SARM1: variants seen among roughly 807,000 people sequenced by gnomAD.
The protein encoded by SARM1 is NAD(+) hydrolase SARM1.
Under a neutral mutation model 65.1 loss-of-function variants are expected in SARM1, and 60 were observed. The ratio of observed to expected loss-of-function variants is 0.92; its 90% CI spans 0.75 to 1.14. SARM1 has a LOEUF of 1.14. Among genes scored for constraint, SARM1 ranks in the 50% most tolerant of loss-of-function variants. The pLI, the probability that SARM1 is intolerant of heterozygous loss-of-function variation, is 0.00. For synonymous variants in SARM1, 417 were observed against 465.4 expected (o/e 0.90, Z 1.34); for missense variants, 913 against 1,015.7 (o/e 0.90, Z 1.37).
chr17:28,385,248 C>G lies in SARM1; in HGVS notation c.1603C>G (p.Arg535Gly). ...CTGCGGCATCCACCTGGGCGTGCAC[C>G]GCGCCCGCATCCTCACGGCGGCCAG... ...EDCGIHLGVHRARILTAAREM... is the reference protein window; with the variant it reads ...EDCGIHLGVHGARILTAAREM... Residue 535 changes from arginine (R) to glycine (G), a missense_variant, in exon 5 of 9, where the codon CGC becomes GGC. Arg to Gly is a moderately radical substitution (Grantham distance 125). Transcript: ENST00000585482. The surrounding 1 kb of genome is among the most constrained non-coding windows in gnomAD (Gnocchi z 4.5). 1.9e-6 allele frequency: 3 copies of G among 1,573,482 alleles called. No individual in the cohort carries two copies. The highest frequency in any genetic ancestry group is 2.6e-6 in the Non-Finnish European group (3 of 1,165,656).
chr17:28,389,100 T>A (rs2068068156), intron 7 of SARM1, among the ~76,000 whole-genome samples: 1 of 152,298 alleles, frequency 6.6e-6, no homozygotes, highest in East Asian at 1.9e-4. Flanking sequence ...ATAAATTCCA[T>A]GAGAGACAGG....
intron 7 of SARM1, among the ~76,000 whole-genome samples, chr17:28,388,896 G>C (rs544708067): frequency 1.1e-4 from 16 of 150,964 alleles, no homozygotes; most frequent in Non-Finnish European, 2.2e-4. Flanking sequence ...TCAGCCTCCC[G>C]AGTAGCTGGG....
chr17:28,402,973 T>C lies in SARM1; in HGVS notation c.*6687T>C, dbSNP rs2068215197. 2 of 152,190 alleles carry C rather than the reference T, an allele frequency of 1.3e-5. No individual in the cohort carries two copies. The highest frequency in any genetic ancestry group is 2.4e-5 in the African/African-American group (1 of 41,410). The allele number at this position is 152,190 out of a possible 1,614,324, so 9.4% of individuals were successfully genotyped here. A position where few individuals can be genotyped will look rare whatever the true frequency, so the allele number is the denominator to read the frequency against. ...TTATAAGAGGAAAGCAGACGGAGAT[T>C]TGGCACCGACAGAATTGAGAAGGCA... is the stretch of plus-strand genomic sequence containing the variant. On this transcript the variant is annotated 3_prime_UTR_variant, in exon 9 of 9. Transcript: ENST00000585482.
intron 5 of SARM1, 71 bp from the exon 6 acceptor site, chr17:28,388,103 A>T (rs1555586290): frequency 8.4e-7 from 1 of 1,192,972 alleles, no homozygotes; most frequent in African/African-American, 1.5e-5. Context: ...TAAGTCCACA[A>T]GGGATGATAT....
At chr17:28,376,075 A>G (rs1555584553) in intron 1 of SARM1, among the ~76,000 whole-genome samples, 1 of 152,210 alleles carries the variant, frequency 6.6e-6, no homozygotes, top group African/African-American at 2.4e-5. Flanking sequence ...AGACCACAGA[A>G]GAACTGGGAG....
Position 28,381,661 on chromosome 17 carries a change from G to A in SARM1, c.929G>A (p.Arg310His), listed in dbSNP as rs369186722. The change falls in exon 2 of 9, where the codon CGC becomes CAC. Residue 310 changes from arginine (R) to histidine (H), a missense_variant. By Grantham distance (29) the Arg-to-His change is conservative. Transcript: ENST00000585482. ...TCGCTGGACCCTGGCCGCTTCGCCC[G>A]CTGTCTGGTGGACGCCAGCGACACA... ...VASLDPGRFARCLVDASDTSQ... is the reference protein window; with the variant it reads ...VASLDPGRFAHCLVDASDTSQ... 308 of 1,554,930 alleles carry A rather than the reference G, an allele frequency of 2.0e-4. No individual in the cohort carries two copies. Among genetic ancestry groups the A allele is most frequent in the Non-Finnish European group, 2.6e-4 (295 of 1,151,112 alleles).
At position 28,385,165 on chromosome 17, in the gene SARM1, G is replaced by C. The variant is rs746874324; in HGVS notation, c.1520G>C (p.Ser507Thr). 1 of 1,611,912 alleles carries C rather than the reference G, an allele frequency of 6.2e-7. No homozygotes were observed. Among genetic ancestry groups the C allele is most frequent in the Non-Finnish European group, 8.5e-7 (1 of 1,179,454 alleles). Reference sequence around the variant, plus strand: ...CGCCAGTACACCTACGGCCTGGTCAGCTGCGGCCTGGACCGCTCCCTGCTG... The same window carrying C: ...CGCCAGTACACCTACGGCCTGGTCACCTGCGGCCTGGACCGCTCCCTGCTG... ...RFRQYTYGLV[S>T]CGLDRSLLHR... is the part of the protein sequence containing the mutation. The change falls in exon 5 of 9, where the codon AGC (serine) becomes ACC (threonine). Residue 507 changes from serine (S) to threonine (T), a missense_variant. Physicochemically the swap from Ser to Thr is moderately conservative, Grantham distance 58 (BLOSUM62 1). This residue lies in a region of SARM1 where 862 missense variants were observed against 952.1 expected (regional missense o/e 0.91). Transcript: ENST00000585482. The surrounding 1 kb of genome is among the most constrained non-coding windows in gnomAD (Gnocchi z 4.5).
rs41297921 is a variant in SARM1, at chr17:28,397,584, C to G, written c.*1298C>G. 2.6e-5 allele frequency: 4 copies of G among 152,326 alleles called. No individual in the cohort carries two copies. The highest frequency in any genetic ancestry group is 2.6e-4 in the Admixed American group (4 of 15,304). The allele number at this position is 152,326 out of a possible 1,614,324, so 9.4% of individuals were successfully genotyped here. On this transcript the variant is annotated 3_prime_UTR_variant, in exon 9 of 9. Coordinates refer to ENST00000585482, the MANE Select transcript of SARM1 (RefSeq NM_015077.4). ...GATCCAGACCTAGGCCTCCTGGCAC[C>G]CAGTCCACTGGCAGTGGAATTGCTT...
rs200378586 is a variant in SARM1, at chr17:28,388,564, G to A, written c.1923+25G>A. 4.0e-5 allele frequency: 64 copies of A among 1,604,578 alleles called. No homozygotes were observed. In the East Asian group the frequency reaches 6.0e-4, roughly 15 times the overall value. ...GGTAGGTGCCTGCCTATGCTTCTGC[G>A]GTCCCAGCATTGGCCTGTGGTCCAG... On this transcript the variant is annotated intron_variant, in intron 7 of 8. Transcript: ENST00000585482.
At position 28,399,873 on chromosome 17, in the gene SARM1, C is replaced by T; in HGVS notation, c.*3587C>T. 2.8e-6 allele frequency: 2 copies of T among 716,510 alleles called. No individual in the cohort carries two copies. Among genetic ancestry groups the T allele is most frequent in the Non-Finnish European group, 2.5e-6 (1 of 403,646 alleles). 44.4% of individuals were successfully genotyped at this position (716,510 alleles called of 1,614,324 possible). A position where few individuals can be genotyped will look rare whatever the true frequency, so the allele number is the denominator to read the frequency against. On this transcript the variant is annotated 3_prime_UTR_variant, in exon 9 of 9. Coordinates refer to ENST00000585482, the MANE Select transcript of SARM1 (RefSeq NM_015077.4). ...AAGCTGAGAGCTGGAGGACAATATC[C>T]AGGGACATGGCTCTGGAAAATAACT... is the stretch of plus-strand genomic sequence containing the variant.
intron 1 of SARM1, among the ~76,000 whole-genome samples, chr17:28,377,446 C>A (rs995908950): frequency 3.3e-5 from 5 of 151,980 alleles, no homozygotes; most frequent in African/African-American, 1.2e-4. Context: ...GAAAACAAAA[C>A]AAAAAAAATC....
In SARM1 at chr17:28,384,248, G is replaced by C; in HGVS notation, c.1090-109G>C. 1.1e-6 allele frequency: 1 copy of C among 887,900 alleles called. No homozygotes were observed. The highest frequency in any genetic ancestry group is 2.7e-5 in the East Asian group (1 of 36,972). 55.0% of individuals were successfully genotyped at this position (887,900 alleles called of 1,614,324 possible). A position where few individuals can be genotyped will look rare whatever the true frequency, so the allele number is the denominator to read the frequency against. The stretch of plus-strand genomic sequence containing the variant: ...AGTGGCTGAAGGTGGGGCCAGGGCA[G>C]ATGGAGAGACTTTGGGTTGTGAGAA... On this transcript the variant is annotated intron_variant, in intron 2 of 8. Coordinates refer to ENST00000585482, the MANE Select transcript of SARM1 (RefSeq NM_015077.4). This position sits in a 1 kb window ranked among gnomAD's most constrained non-coding sequence, Gnocchi z 4.4.
chr17:28,384,654 C>T lies in SARM1; in HGVS notation c.1302+85C>T. On this transcript the variant is annotated intron_variant, in intron 3 of 8. Coordinates refer to ENST00000585482, the MANE Select transcript of SARM1 (RefSeq NM_015077.4). This position sits in a 1 kb window ranked among gnomAD's most constrained non-coding sequence, Gnocchi z 4.4. ...TGCGTTCCCTCCCCGCCTCGCAATC[C>T]CGCGGCGCCAGGGTCGCTTTTGGGG... 1 of 1,392,506 alleles carries T rather than the reference C, an allele frequency of 7.2e-7. No individual in the cohort carries two copies. Among genetic ancestry groups the T allele is most frequent in the Non-Finnish European group, 9.7e-7 (1 of 1,027,840 alleles). 86.3% of individuals were successfully genotyped at this position (1,392,506 alleles called of 1,614,324 possible).
intron 1 of SARM1, among the ~76,000 whole-genome samples, chr17:28,375,690 G>T (rs2067985063): frequency 6.6e-6 from 1 of 151,896 alleles, no homozygotes. Flanking sequence ...GTTATTCTCA[G>T]CCAGGCATGG....
Position 28,385,557 on chromosome 17 carries a change from G to C in SARM1, c.1630+282G>C. The C allele has an allele frequency of 4.1e-6, 2 of 488,800 alleles. No individual in the cohort carries two copies. The highest frequency in any genetic ancestry group is 7.2e-6 in the Non-Finnish European group (2 of 276,644). 30.3% of individuals were successfully genotyped at this position (488,800 alleles called of 1,614,324 possible). On this transcript the variant is annotated intron_variant, in intron 5 of 8. Coordinates refer to ENST00000585482, the MANE Select transcript of SARM1 (RefSeq NM_015077.4). This position sits in a 1 kb window ranked among gnomAD's most constrained non-coding sequence, Gnocchi z 4.5. ...GGTCTCCAGTGGGAGCACAGAGGAA[G>C]CCCAGCCCACCCCATCCACCCAGGT...
rs1246989287 is a variant in SARM1, at chr17:28,396,260, G to T, written c.2149G>T (p.Gly717Cys). ...TGCAGGCTCTGACACCAGTTTGGAGGGTGCTGCACCCATGGGTCCAACCTA... is the reference window on the plus strand; with the variant it reads ...TGCAGGCTCTGACACCAGTTTGGAGTGTGCTGCACCCATGGGTCCAACCTA... ...SSAGSDTSLE[G>C]AAPMGPT Residue 717 changes from glycine (G) to cysteine (C), a missense_variant, in exon 9 of 9, where the codon GGT (glycine) becomes TGT (cysteine). Gly to Cys is a radical substitution (Grantham distance 159, BLOSUM62 -3). Around this residue, in one of 3 missense-constraint regions of SARM1, gnomAD observed 862 missense variants for 952.1 expected, o/e 0.91. Coordinates refer to ENST00000585482, the MANE Select transcript of SARM1 (RefSeq NM_015077.4). The T allele has an allele frequency of 6.2e-7, 1 of 1,613,840 alleles. No individual in the cohort carries two copies. Among genetic ancestry groups the T allele is most frequent in the Non-Finnish European group, 8.5e-7 (1 of 1,179,888 alleles).
chr17:28,388,308 G>GT lies in SARM1; in HGVS notation c.1733+33dup, dbSNP rs781893510. 4 of 1,601,696 alleles carry GT rather than the reference G, an allele frequency of 2.5e-6. No homozygotes were observed. The African/African-American group carries it at 5.4e-5, about 21-fold the overall frequency. On this transcript the variant is annotated intron_variant, in intron 6 of 8. Coordinates refer to ENST00000585482, the MANE Select transcript of SARM1 (RefSeq NM_015077.4). ...AGGGGCGGGCGGGCAGCGACGGGGC[G>GT]TGGGGACAAGGCTGTGGCACTGACA...
chr17:28,387,288 G>T (rs897397477), intron 5 of SARM1, among the ~76,000 whole-genome samples: 1 of 150,656 alleles, frequency 6.6e-6, no homozygotes, highest in Non-Finnish European at 1.5e-5. Context: ...GCTAGAGTGC[G>T]GTGGTGCATT....
At chr17:28,394,591 A>G (rs1199542145) in intron 7 of SARM1, among the ~76,000 whole-genome samples, 1 of 152,206 alleles carries the variant, frequency 6.6e-6, no homozygotes, top group Non-Finnish European at 1.5e-5. Flanking sequence ...GGGGGTGCCC[A>G]TGACACCCCG....
Sources: gnomAD v4.1 joint callset for allele counts (sites outside exome capture counted in the v4.1 genomes callset) on GRCh38, gnomAD v4.1.1 for gene constraint, gnomAD v4.1.1 regional missense constraint, Gnocchi (gnomAD v3.1) non-coding constraint, MANE v1.5 for transcripts, NCBI Gene and HGNC (gene_info 2026-07-23, HGNC 2026-07-21) for gene names.